Variants in RAP1GAP observed in about 807,000 individuals in gnomAD.
RAP1GAP encodes the protein RAP1 GTPase activating protein, also known as rap1 GTPase-activating protein 1.
A neutral mutation model predicts 87.2 loss-of-function variants in RAP1GAP; 35 were observed. The ratio of observed to expected loss-of-function variants is 0.40; its 90% CI spans 0.31 to 0.53. The LOEUF is 0.53. Ranked by LOEUF, RAP1GAP falls within the 20% of genes least tolerant of loss-of-function variation. The pLI, the probability that RAP1GAP is intolerant of heterozygous loss-of-function variation, is 0.48. For missense variants in RAP1GAP, 734 were observed against 898.9 expected (o/e 0.82, Z 2.35); for synonymous variants, 375 against 363.9 (o/e 1.03, Z -0.35).
intron 1 of RAP1GAP, chr1:21,651,685 GC>G: frequency 1.6e-6 from 1 of 612,024 alleles, no homozygotes; most frequent in South Asian, 1.5e-5. Context: ...AGGCCCACCC[GC>G]CCAAACGCGA....
intron 19 of RAP1GAP, 65 bp from the exon 20 acceptor site, chr1:21,601,862 G>T: frequency 1.7e-6 from 2 of 1,170,612 alleles, no homozygotes; most frequent in Non-Finnish European, 1.2e-6. Context: ...GTAGCGTGAG[G>T]CCCAGGCGGT....
rs1558809479 is a variant in RAP1GAP at position 21,636,939 on chromosome 1, AG to A, written c.-112-10543del. ...AAGGGAGGGAGGGAGGGAGGGAGGG[AG>A]GGAGGAAGGGAGGGAGGGAGGGAGG... is the stretch of plus-strand genomic sequence containing the variant. On this transcript the variant is annotated intron_variant, in intron 2 of 24. Coordinates refer to ENST00000374765, the MANE Select transcript of RAP1GAP (RefSeq NM_002885.4). 1.6e-4 allele frequency among the ~76,000 whole-genome samples: 8 copies of A among 50,280 alleles called. No individual in the cohort carries two copies. In the South Asian group the frequency reaches 2.0e-3, roughly 13 times the overall value. The allele number at this position is 50,280 out of a possible 152,430, so 33.0% of individuals were successfully genotyped here.
At chr1:21,663,579 C>G (rs970983735) in intron 1 of RAP1GAP, among the ~76,000 whole-genome samples, 2 of 152,216 alleles carry the variant, frequency 1.3e-5, no homozygotes, top group African/African-American at 4.8e-5. Flanking sequence ...CCATCAGCCA[C>G]CTCCACCCTA....
rs929638687 is a variant in RAP1GAP at position 21,634,345 on chromosome 1, G to A, written c.-112-7948C>T. Among the ~76,000 whole-genome samples the A allele has an allele frequency of 2.6e-5, 4 of 152,210 alleles. No homozygotes were observed. The highest frequency in any genetic ancestry group is 4.4e-5 in the Non-Finnish European group (3 of 68,020). ...GAGGGAGCGTGGCGATGGGGTAGAG[G>A]AGCGGCAGGGGGACTATTTGCCATG... On this transcript the variant is annotated intron_variant, in intron 2 of 24. Coordinates refer to ENST00000374765, the MANE Select transcript of RAP1GAP (RefSeq NM_002885.4). The surrounding 1 kb of genome is among the most constrained non-coding windows in gnomAD (Gnocchi z 4.1).
chr1:21,644,564 G>A (rs911301199), intron 2 of RAP1GAP, among the ~76,000 whole-genome samples: 5 of 152,112 alleles, frequency 3.3e-5, no homozygotes, highest in African/African-American at 9.7e-5. Context: ...CTCAGCTCTC[G>A]GCAAGGACCA....
intron 2 of RAP1GAP, among the ~76,000 whole-genome samples, chr1:21,646,449 C>T (rs1052848579): frequency 6.6e-6 from 1 of 152,228 alleles, no homozygotes; most frequent in Non-Finnish European, 1.5e-5. Flanking sequence ...AGAGCCTCCA[C>T]CACTCTCAGT....
At position 21,634,071 on chromosome 1, in the gene RAP1GAP, G is replaced by C. The variant is rs988996324; in HGVS notation, c.-112-7674C>G. ...ACTGCCCCCTCCCGGGGGGGGGGGG[G>C]GGCCACAGAAGCCCATTGTTTTCTG... On this transcript the variant is annotated intron_variant, in intron 2 of 24. Coordinates refer to ENST00000374765, the MANE Select transcript of RAP1GAP (RefSeq NM_002885.4). The surrounding 1 kb of genome is among the most constrained non-coding windows in gnomAD (Gnocchi z 4.1). Among the ~76,000 whole-genome samples the C allele has an allele frequency of 9.8e-4, 123 of 125,286 alleles. No individual in the cohort carries two copies. The highest frequency in any genetic ancestry group is 4.1e-3 in the Middle Eastern group (1 of 246). The allele number at this position is 125,286 out of a possible 152,430, so 82.2% of individuals were successfully genotyped here.
In RAP1GAP at chr1:21,647,261, GACC is replaced by G. The variant is rs1393642350; in HGVS notation, c.-113+2497_-113+2499del. ...GGATCACTTGAGCTCAGGAGTTCGAGACCTGACTGGCCAACATGGTGAGACCTT... is the reference window on the plus strand; with the variant it reads ...GGATCACTTGAGCTCAGGAGTTCGAGTGACTGGCCAACATGGTGAGACCTT... On this transcript the variant is annotated intron_variant, in intron 2 of 24. Coordinates refer to ENST00000374765, the MANE Select transcript of RAP1GAP (RefSeq NM_002885.4). Among the ~76,000 whole-genome samples, 6 of 152,254 alleles carry G rather than the reference GACC, an allele frequency of 3.9e-5. No homozygotes were observed. In the East Asian group the frequency reaches 9.7e-4, roughly 24 times the overall value.
At position 21,598,067 on chromosome 1, in the gene RAP1GAP, G is replaced by C; in HGVS notation, c.1880-3C>G. 1 of 1,529,696 alleles carries C rather than the reference G, an allele frequency of 6.5e-7. No homozygotes were observed. Among genetic ancestry groups the C allele is most frequent in the Non-Finnish European group, 8.8e-7 (1 of 1,131,128 alleles). The allele number at this position is 1,529,696 out of a possible 1,614,324, so 94.8% of individuals were successfully genotyped here. Reference sequence around the variant, plus strand: ...TGGGTGGGGTGATCGAGAGGGGCCTGGGGAGGGGGGCAGGAGGGAGCCACC... The same window carrying C: ...TGGGTGGGGTGATCGAGAGGGGCCTCGGGAGGGGGGCAGGAGGGAGCCACC... On this transcript the variant is annotated splice_region_variant and splice_polypyrimidine_tract_variant and intron_variant, in intron 22 of 24. Transcript: ENST00000374765.
chr1:21,655,640 A>G (rs1225812731), intron 1 of RAP1GAP, among the ~76,000 whole-genome samples: 4 of 152,220 alleles, frequency 2.6e-5, no homozygotes, highest in Admixed American at 2.6e-4. Context: ...AAACAGTGCC[A>G]GGCTGCTTTC....
intron 3 of RAP1GAP, among the ~76,000 whole-genome samples, chr1:21,623,637 C>T (rs2090231824): frequency 6.6e-6 from 1 of 152,260 alleles, no homozygotes; most frequent in Non-Finnish European, 1.5e-5. Context: ...CCCCCTAGAC[C>T]TGGCCTTGAA....
chr1:21,605,514 C>T (rs2073830002), intron 18 of RAP1GAP, among the ~76,000 whole-genome samples: 1 of 152,134 alleles, frequency 6.6e-6, no homozygotes, highest in African/African-American at 2.4e-5. Context: ...TAGGCGCTCA[C>T]AGAGTTGATG....
chr1:21,652,625 T>G lies in RAP1GAP; in HGVS notation c.-148-2829A>C, dbSNP rs759896278. Among the ~76,000 whole-genome samples, 101 of 151,894 alleles carry G rather than the reference T, an allele frequency of 6.6e-4. 2 individuals carry two copies. Among genetic ancestry groups the G allele is most frequent in the Admixed American group, 9.2e-4 (14 of 15,262 alleles). ...CTCTTGAAAAGTCATGCAGTCCAGGTCCCAACCTTTAGAGGGAACTGGGCT... is the reference window on the plus strand; with the variant it reads ...CTCTTGAAAAGTCATGCAGTCCAGGGCCCAACCTTTAGAGGGAACTGGGCT... On this transcript the variant is annotated intron_variant, in intron 1 of 24. Transcript: ENST00000374765.
intron 2 of RAP1GAP, among the ~76,000 whole-genome samples, chr1:21,639,257 G>GTGGGCACGTCCCAGCCCAGGCCCTTCCC: frequency 1.3e-5 from 2 of 152,242 alleles, no homozygotes; most frequent in Non-Finnish European, 2.9e-5. Context: ...CACCAGGCAG[G>GTGGGCACGTCCCAGCCCAGGCCCTTCCC]TGGGCACGTC....
chr1:21,636,100 G>A (rs2094624149), intron 2 of RAP1GAP, among the ~76,000 whole-genome samples: 1 of 152,192 alleles, frequency 6.6e-6, no homozygotes, highest in Non-Finnish European at 1.5e-5. Context: ...GAATAAATTA[G>A]GTATTATATG....
intron 2 of RAP1GAP, among the ~76,000 whole-genome samples, chr1:21,635,297 G>A (rs1037074598): frequency 3.3e-5 from 5 of 152,124 alleles, no homozygotes; most frequent in African/African-American, 9.6e-5. Flanking sequence ...CCCAGCCTCC[G>A]CAGCCCAGGG....
intron 1 of RAP1GAP, among the ~76,000 whole-genome samples, chr1:21,656,333 C>T (rs1442389827): frequency 2.7e-5 from 4 of 148,528 alleles, no homozygotes; most frequent in African/African-American, 7.5e-5. Flanking sequence ...GCAGGAGAAT[C>T]GCTTGAACCC....
intron 13 of RAP1GAP, 50 bp from the exon 14 acceptor site, chr1:21,610,325 G>A: frequency 6.2e-7 from 1 of 1,603,552 alleles, no homozygotes; most frequent in East Asian, 2.2e-5. Context: ...GGGGCCCATG[G>A]GGGAGAGGGG....
In RAP1GAP at chr1:21,640,264, C is replaced by T. The variant is rs993892255; in HGVS notation, c.-113+9497G>A. ...ATTCAGTCTTCCAGAGCCCCCTCCC[C>T]AGACCAGGAGAAGCTGCTCCGAACC... On this transcript the variant is annotated intron_variant, in intron 2 of 24. Coordinates refer to ENST00000374765, the MANE Select transcript of RAP1GAP (RefSeq NM_002885.4). Among the ~76,000 whole-genome samples, 6 of 152,316 alleles carry T rather than the reference C, an allele frequency of 3.9e-5. No individual in the cohort carries two copies. The South Asian group carries it at 1.2e-3, about 32-fold the overall frequency.
Sources: gnomAD v4.1 joint callset for allele counts (sites outside exome capture counted in the v4.1 genomes callset) on GRCh38, gnomAD v4.1.1 for gene constraint, Gnocchi (gnomAD v3.1) non-coding constraint, MANE v1.5 for transcripts, NCBI Gene and HGNC (gene_info 2026-07-23, HGNC 2026-07-21) for gene names.